Variants in SKI observed in about 807,000 individuals in gnomAD.
SKI encodes SKI proto-oncogene.
In SKI, 23 loss-of-function variants were observed where a neutral mutation model predicts 59.3. The ratio of observed to expected loss-of-function variants is 0.39; its 90% confidence interval spans 0.28 to 0.55. The LOEUF (loss-of-function observed/expected upper bound fraction) is 0.55, where lower values mean the gene tolerates loss of function less well. SKI is among the 20% of genes least tolerant of loss of function. SKI has a pLI of 0.67. For synonymous variants in SKI, 673 were observed against 488.6 expected (o/e 1.38, Z -4.98); for missense variants, 1,017 against 1,038.9 (o/e 0.98, Z 0.29).
intron 6 of SKI, 133 bp downstream of exon 6, chr1:2,306,383 C>T (rs953834301): frequency 3.9e-6 from 4 of 1,026,846 alleles, no homozygotes; most frequent in Middle Eastern, 3.2e-4. Flanking sequence ...CGTGCGTGCC[C>T]CCCCGACGGG....
intron 5 of SKI, 47 bp downstream of exon 5, chr1:2,304,632 G>A: frequency 6.6e-7 from 1 of 1,509,378 alleles, no homozygotes; most frequent in Non-Finnish European, 8.9e-7. Context: ...CGGGCAGTGA[G>A]CACAGCCTGC....
At chr1:2,239,046 A>G (rs950739345) in intron 1 of SKI, among the ~76,000 whole-genome samples, 5 of 152,164 alleles carry the variant, frequency 3.3e-5, no homozygotes, top group African/African-American at 1.2e-4. Flanking sequence ...GCTCTGCCTC[A>G]CCTGCTGCCT....
In SKI at chr1:2,306,713, G is replaced by C. The variant is rs1418253983; in HGVS notation, c.2135G>C (p.Arg712Pro). The C allele has an allele frequency of 2.0e-6, 3 of 1,537,740 alleles. No homozygotes were observed. Among genetic ancestry groups the C allele is most frequent in the South Asian group, 1.2e-5 (1 of 83,178 alleles). ...VKELQEQLWP[R>P]ARPEAAGSEG... ...GAGCTGCAGGAACAGCTGTGGCCGC[G>C]GGCCCGCCCCGAGGCTGCGGGCAGC... The change falls in exon 7 of 7, where the codon CGG (arginine) becomes CCG (proline). Residue 712 changes from arginine to proline, a missense_variant. Transcript: ENST00000378536.
intron 1 of SKI, among the ~76,000 whole-genome samples, chr1:2,232,286 G>A (rs746690781): frequency 1.8e-4 from 28 of 152,346 alleles, no homozygotes; most frequent in Non-Finnish European, 2.6e-4. Flanking sequence ...TTCGGGCTCT[G>A]CGGAGCCGGA....
intron 1 of SKI, among the ~76,000 whole-genome samples, chr1:2,280,586 G>A (rs552517006): frequency 6.7e-6 from 1 of 148,768 alleles, no homozygotes; most frequent in South Asian, 2.1e-4. Flanking sequence ...GACAGGCGGC[G>A]GCGGCGATCT....
At chr1:2,272,818 A>ACCACGCCCCGAGCCTCCCCCTC (rs925297029) in intron 1 of SKI, among the ~76,000 whole-genome samples, 252 of 151,574 alleles carry the variant, frequency 1.7e-3, no homozygotes, top group Middle Eastern at 0.01. Context: ...GGCAGTTCTC[A>ACCACGCCCCGAGCCTCCCCCTC]CCACGCCCCG....
At chr1:2,275,004 C>T (rs1473612308) in intron 1 of SKI, among the ~76,000 whole-genome samples, 3 of 152,182 alleles carry the variant, frequency 2.0e-5, no homozygotes, top group African/African-American at 7.2e-5. Context: ...TGTGTGTCAG[C>T]AGGTGGAGGC....
At position 2,269,866 on chromosome 1, in the gene SKI, GGC is replaced by G. The variant is rs1392421357; in HGVS notation, c.970-33110_970-33109del. ...GGCGGGTCTGGTGGTGCCTGTGGCT[GGC>G]GTGGGTCTGGCGGGTCTCGTGGTGC... is the stretch of plus-strand genomic sequence containing the variant. On this transcript the variant is annotated intron_variant, in intron 1 of 6. Coordinates refer to ENST00000378536, the MANE Select transcript of SKI (RefSeq NM_003036.4). The surrounding 1 kb of genome is among the most constrained non-coding windows in gnomAD (Gnocchi z 4.7). Among the ~76,000 whole-genome samples the G allele has an allele frequency of 8.1e-4, 112 of 138,194 alleles. 1 individual carries two copies. Among genetic ancestry groups the G allele is most frequent in the East Asian group, 1.7e-3 (8 of 4,572 alleles). The allele number at this position is 138,194 out of a possible 152,430, so 90.7% of individuals were successfully genotyped here.
intron 1 of SKI, chr1:2,240,801 C>A (rs549647538): frequency 2.0e-6 from 2 of 985,364 alleles, no homozygotes; most frequent in Non-Finnish European, 1.2e-6. Flanking sequence ...AGGTGAGAGG[C>A]GCGAGAAACC....
rs1370601989 is a variant in SKI, at chr1:2,228,995, C to G, written c.229C>G (p.Pro77Ala). The G allele has an allele frequency of 6.4e-6, 10 of 1,553,722 alleles. No homozygotes were observed. Among genetic ancestry groups the G allele is most frequent in the South Asian group, 1.2e-5 (1 of 86,124 alleles). The change falls in exon 1 of 7, where the codon CCC becomes GCC. Residue 77 changes from proline (P) to alanine (A), a missense_variant. Transcript: ENST00000378536. ...CGAGCCGCCGCCCGTGCTGCACCTG[C>G]CCGCCATCCAGCCGCCGCCGCCCGT... is the stretch of plus-strand genomic sequence containing the variant. ...ATEPPPVLHL[P>A]AIQPPPPVLP... is the part of the protein sequence containing the mutation.
At chr1:2,285,051 G>C (rs1026437928) in intron 1 of SKI, among the ~76,000 whole-genome samples, 1 of 152,216 alleles carries the variant, frequency 6.6e-6, no homozygotes, top group Non-Finnish European at 1.5e-5. Flanking sequence ...AGGGTATCTG[G>C]AGGCTGGGGG....
rs115561380 is a variant in SKI at position 2,259,251 on chromosome 1, C to T, written c.969+29516C>T. Among the ~76,000 whole-genome samples, 672 of 152,310 alleles carry T rather than the reference C, an allele frequency of 4.4e-3. 6 individuals carry two copies. Among genetic ancestry groups the T allele is most frequent in the African/African-American group, 0.015 (633 of 41,558 alleles). Reference sequence around the variant, plus strand: ...CCACAGCAGAAAGGCTGAGTAGGTGCGAGAGAGACCATGTGGCCTACAAAC... The same window carrying T: ...CCACAGCAGAAAGGCTGAGTAGGTGTGAGAGAGACCATGTGGCCTACAAAC... On this transcript the variant is annotated intron_variant, in intron 1 of 6. Transcript: ENST00000378536.
chr1:2,258,321 T>A (rs1639315459), intron 1 of SKI, among the ~76,000 whole-genome samples: 1 of 152,162 alleles, frequency 6.6e-6, no homozygotes, highest in South Asian at 2.1e-4. Context: ...CCAGCTCAGA[T>A]GCCCCTATTC....
In SKI at chr1:2,297,080, G is replaced by C. The variant is rs1380823943; in HGVS notation, c.970-5898G>C. ...TGTGGGCATAGGCCGTCTTCCACTT[G>C]AAGAATGTGGCAAGATGGTCTGAAA... On this transcript the variant is annotated intron_variant, in intron 1 of 6. Coordinates refer to ENST00000378536, the MANE Select transcript of SKI (RefSeq NM_003036.4). Among the ~76,000 whole-genome samples, 3 of 151,946 alleles carry C rather than the reference G, an allele frequency of 2.0e-5. No individual in the cohort carries two copies. The East Asian group carries it at 5.9e-4, about 30-fold the overall frequency.
Position 2,306,892 on chromosome 1 carries a change from A to C in SKI, c.*127A>C. 2 of 612,718 alleles carry C rather than the reference A, an allele frequency of 3.3e-6. No homozygotes were observed. The highest frequency in any genetic ancestry group is 2.0e-5 in the African/African-American group (1 of 50,060). 38.0% of individuals were successfully genotyped at this position (612,718 alleles called of 1,614,324 possible). A position where few individuals can be genotyped will look rare whatever the true frequency, so the allele number is the denominator to read the frequency against. ...ACAACGTCTTACCGTGCCTATTACC[A>C]AGCGAGTGTTTGTAACCATGTAGTT... On this transcript the variant is annotated 3_prime_UTR_variant, in exon 7 of 7. Coordinates refer to ENST00000378536, the MANE Select transcript of SKI (RefSeq NM_003036.4).
chr1:2,242,284 G>A (rs1638896860), intron 1 of SKI, among the ~76,000 whole-genome samples: 1 of 152,186 alleles, frequency 6.6e-6, no homozygotes, highest in Non-Finnish European at 1.5e-5. Context: ...AAGAACCCCA[G>A]AACAGCCGAG....
At chr1:2,235,831 G>T (rs1638739372) in intron 1 of SKI, among the ~76,000 whole-genome samples, 1 of 152,252 alleles carries the variant, frequency 6.6e-6, no homozygotes, top group Non-Finnish European at 1.5e-5. Flanking sequence ...GAGGTGGCGT[G>T]GTGGTGCCTG....
At chr1:2,300,995 C>A (rs1254847304) in intron 1 of SKI, among the ~76,000 whole-genome samples, 1 of 152,238 alleles carries the variant, frequency 6.6e-6, no homozygotes, top group African/African-American at 2.4e-5. Context: ...CCTGAGGCAT[C>A]TGACTCTTTC....
chr1:2,275,600 G>GC (rs1639724724), intron 1 of SKI, among the ~76,000 whole-genome samples: 2 of 151,970 alleles, frequency 1.3e-5, no homozygotes, highest in African/African-American at 4.8e-5. Flanking sequence ...TGCAAGCTCC[G>GC]CTCCCGGGTT....
Sources: gnomAD v4.1 joint callset for allele counts (sites outside exome capture counted in the v4.1 genomes callset) on GRCh38, gnomAD v4.1.1 for gene constraint, Gnocchi (gnomAD v3.1) non-coding constraint, MANE v1.5 for transcripts, NCBI Gene and HGNC (gene_info 2026-07-23, HGNC 2026-07-21) for gene names.